The following ZBTB20 variants were observed in gnomAD, a reference collection of about 807,000 sequenced individuals.
The protein encoded by ZBTB20 is zinc finger and BTB domain-containing protein 20.
In ZBTB20, 9 loss-of-function variants were observed where a neutral mutation model predicts 56.9. The ratio of observed to expected loss-of-function variants is 0.16; its 90% confidence interval spans 0.10 to 0.28. ZBTB20 has a LOEUF of 0.28. ZBTB20 is among the 10% of genes least tolerant of loss of function. The probability of loss-of-function intolerance (pLI) is 1.00; values close to 1 mark genes in which losing one functional copy is unlikely to be tolerated. For missense variants in ZBTB20, 655 were observed against 1,003.0 expected (o/e 0.65, Z 4.69); for synonymous variants, 417 against 420.7 (o/e 0.99, Z 0.11).
At chr3:114,541,196 CT>C (rs2049074032) in intron 6 of ZBTB20, among the ~76,000 whole-genome samples, 1 of 152,076 alleles carries the variant, frequency 6.6e-6, no homozygotes, top group Non-Finnish European at 1.5e-5. Flanking sequence ...AAAATGTTAA[CT>C]CCCATAGCTT....
At chr3:114,875,127 G>A (rs1451212619) in intron 4 of ZBTB20, among the ~76,000 whole-genome samples, 1 of 152,036 alleles carries the variant, frequency 6.6e-6, no homozygotes, top group African/African-American at 2.4e-5. Flanking sequence ...TTCACCGCCA[G>A]CACCTCTGCT....
chr3:114,956,980 G>A (rs1202121706), intron 3 of ZBTB20, among the ~76,000 whole-genome samples: 1 of 152,162 alleles, frequency 6.6e-6, no homozygotes, highest in Non-Finnish European at 1.5e-5. Flanking sequence ...TGAGTGAGCT[G>A]GGCTAGAGTT....
intron 5 of ZBTB20, among the ~76,000 whole-genome samples, chr3:114,735,843 T>G (rs912490311): frequency 2.6e-5 from 4 of 151,966 alleles, no homozygotes; most frequent in Non-Finnish European, 4.4e-5. Flanking sequence ...AGGAACAGAG[T>G]GAGCCAAAAA....
intron 4 of ZBTB20, among the ~76,000 whole-genome samples, chr3:114,804,509 A>G (rs1410469370): frequency 6.6e-6 from 1 of 151,910 alleles, no homozygotes; most frequent in Non-Finnish European, 1.5e-5. Context: ...TCTCTCTATA[A>G]TTTATTTATT....
chr3:114,818,412 C>T (rs2073063741), intron 4 of ZBTB20, among the ~76,000 whole-genome samples: 1 of 152,052 alleles, frequency 6.6e-6, no homozygotes, highest in Non-Finnish European at 1.5e-5. Flanking sequence ...CTTTGCTGAA[C>T]TGTCACATTT....
At chr3:114,564,968 C>CG (rs1393236331) in intron 6 of ZBTB20, among the ~76,000 whole-genome samples, 4 of 152,148 alleles carry the variant, frequency 2.6e-5, no homozygotes, top group Non-Finnish European at 4.4e-5. Flanking sequence ...ATCTGCTTGC[C>CG]TGACCTACAT....
chr3:114,746,771 T>C (rs537808850), intron 5 of ZBTB20, among the ~76,000 whole-genome samples: 1 of 152,330 alleles, frequency 6.6e-6, no homozygotes, highest in East Asian at 1.9e-4. Flanking sequence ...ATATAGCTTT[T>C]AAATGTGGTA....
At chr3:114,374,597 T>G (rs762718140) in intron 10 of ZBTB20, among the ~76,000 whole-genome samples, 6 of 152,224 alleles carry the variant, frequency 3.9e-5, no homozygotes, top group Non-Finnish European at 5.9e-5. Context: ...ACCATTTTTG[T>G]CCTTCCAAAG....
chr3:115,054,039 C>G (rs1266909127), intron 2 of ZBTB20, among the ~76,000 whole-genome samples: 1 of 151,946 alleles, frequency 6.6e-6, no homozygotes, highest in Admixed American at 6.6e-5. Context: ...TCCATTGTCC[C>G]CCATTAGTCA....
At chr3:114,691,621 A>G (rs557726560) in intron 6 of ZBTB20, among the ~76,000 whole-genome samples, 1 of 152,106 alleles carries the variant, frequency 6.6e-6, no homozygotes, top group African/African-American at 2.4e-5. Flanking sequence ...TTATATATTT[A>G]TTTTAAATGT....
At chr3:114,902,352 A>C (rs2075153688) in intron 3 of ZBTB20, among the ~76,000 whole-genome samples, 2 of 152,188 alleles carry the variant, frequency 1.3e-5, no homozygotes, top group South Asian at 4.1e-4. Flanking sequence ...TGGCACTGCA[A>C]CGTGCTAACA....
chr3:114,734,445 T>A (rs1439892923), intron 5 of ZBTB20, among the ~76,000 whole-genome samples: 2 of 152,050 alleles, frequency 1.3e-5, no homozygotes, highest in African/African-American at 2.4e-5. Context: ...TTTGATACCA[T>A]ATAGTATAGT....
intron 2 of ZBTB20, among the ~76,000 whole-genome samples, chr3:115,012,741 T>G (rs2079776511): frequency 6.6e-6 from 1 of 151,772 alleles, no homozygotes; most frequent in Non-Finnish European, 1.5e-5. Context: ...TACAGAACAT[T>G]TCATCCAACA....
intron 1 of ZBTB20, among the ~76,000 whole-genome samples, chr3:115,119,260 T>C (rs2084111997): frequency 6.6e-6 from 1 of 152,194 alleles, no homozygotes; most frequent in South Asian, 2.1e-4. Context: ...CTGATTCAGA[T>C]TGCTTAAGTT....
At chr3:114,456,750 C>G (rs1277473839) in intron 7 of ZBTB20, among the ~76,000 whole-genome samples, 1 of 152,132 alleles carries the variant, frequency 6.6e-6, no homozygotes, top group Non-Finnish European at 1.5e-5. Flanking sequence ...GAAAGAGGTG[C>G]TTATGAAGAG....
intron 4 of ZBTB20, among the ~76,000 whole-genome samples, chr3:114,832,922 C>T (rs890157956): frequency 5.3e-5 from 8 of 152,104 alleles, no homozygotes; most frequent in Admixed American, 2.6e-4. Flanking sequence ...AACAGTAACA[C>T]GGCCGTTAAA....
chr3:114,505,920 T>A (rs1159380596), intron 6 of ZBTB20, among the ~76,000 whole-genome samples: 1 of 152,118 alleles, frequency 6.6e-6, no homozygotes, highest in African/African-American at 2.4e-5. Flanking sequence ...ATTTCATGCA[T>A]CTTGAATTTG....
chr3:115,081,928 T>G (rs892788580), intron 1 of ZBTB20, among the ~76,000 whole-genome samples: 1 of 152,174 alleles, frequency 6.6e-6, no homozygotes, highest in African/African-American at 2.4e-5. Context: ...ATAGTTACAG[T>G]GTCTGATTGG....
chr3:114,506,039 C>T (rs1242545458), intron 6 of ZBTB20, among the ~76,000 whole-genome samples: 3 of 152,066 alleles, frequency 2.0e-5, no homozygotes, highest in African/African-American at 7.2e-5. Flanking sequence ...TCTCTAGGTA[C>T]TTTGGGGTTT....
Sources: gnomAD v4.1 joint callset for allele counts (sites outside exome capture counted in the v4.1 genomes callset) on GRCh38, gnomAD v4.1.1 for gene constraint, MANE v1.5 for transcripts, NCBI Gene and HGNC (gene_info 2026-07-23, HGNC 2026-07-21) for gene names.